NUP35: variants seen among roughly 807,000 people sequenced by gnomAD.
NUP35 encodes the protein nucleoporin 35.
Under a neutral mutation model 41.5 loss-of-function variants are expected in NUP35, and 25 were observed. The observed-to-expected ratio is 0.60, with a 90% confidence interval of 0.44 to 0.84. The LOEUF is 0.84. NUP35 is among the 40% of genes least tolerant of loss of function. NUP35 has a pLI of 0.00. For missense variants in NUP35, 396 were observed against 396.6 expected (o/e 1.00, Z 0.01); for synonymous variants, 149 against 130.7 (o/e 1.14, Z -0.96).
chr2:183,146,888 G>A (rs1271466977), intron 4 of NUP35, among the ~76,000 whole-genome samples: 1 of 152,070 alleles, frequency 6.6e-6, no homozygotes, highest in African/African-American at 2.4e-5. Context: ...GAGCCACTGC[G>A]CTTGGCCTAT....
At chr2:183,153,793 C>G (rs1685550910) in intron 5 of NUP35, among the ~76,000 whole-genome samples, 1 of 152,228 alleles carries the variant, frequency 6.6e-6, no homozygotes, top group African/African-American at 2.4e-5. Flanking sequence ...CTCACAGCCC[C>G]ACTAGGCAGT....
chr2:183,131,083 A>G, intron 3 of NUP35: 1 of 420,282 alleles, frequency 2.4e-6, no homozygotes. Flanking sequence ...GGGTTCAACC[A>G]ATCCTCCTGC....
chr2:183,140,754 T>A (rs1685062435), intron 4 of NUP35, among the ~76,000 whole-genome samples: 1 of 137,938 alleles, frequency 7.2e-6, no homozygotes, highest in South Asian at 2.2e-4. Flanking sequence ...ACTGGGGAGG[T>A]GGAAGTGGCA....
At chr2:183,145,037 CTG>C (rs1249573529) in intron 4 of NUP35, among the ~76,000 whole-genome samples, 2 of 152,076 alleles carry the variant, frequency 1.3e-5, no homozygotes, top group African/African-American at 4.8e-5. Context: ...TACTTGTAGA[CTG>C]TAGAAAATTT....
At chr2:183,124,527 C>G in intron 1 of NUP35, 30 bp downstream of exon 1, 1 of 1,613,504 alleles carries the variant, frequency 6.2e-7, no homozygotes. Flanking sequence ...TCCTTGCTGG[C>G]ACTGCCATCC....
intron 4 of NUP35, among the ~76,000 whole-genome samples, chr2:183,147,360 T>A (rs1685315658): frequency 6.6e-6 from 1 of 152,242 alleles, no homozygotes; most frequent in Non-Finnish European, 1.5e-5. Flanking sequence ...CTTCAATTCA[T>A]CTTGGTTAAT....
intron 6 of NUP35, 111 bp from the exon 7 acceptor site, chr2:183,158,172 A>G (rs889710370): frequency 3.6e-5 from 29 of 816,892 alleles, no homozygotes; most frequent in Non-Finnish European, 4.9e-5. Context: ...CAAGGCATCA[A>G]ATACGGAATG....
chr2:183,134,528 G>A (rs2105558031), intron 4 of NUP35, among the ~76,000 whole-genome samples: 1 of 151,922 alleles, frequency 6.6e-6, no homozygotes, highest in East Asian at 1.9e-4. Context: ...CATTTCTGGA[G>A]GTCGGAAGTT....
chr2:183,151,069 T>G (rs988553400), intron 4 of NUP35, among the ~76,000 whole-genome samples: 2 of 152,226 alleles, frequency 1.3e-5, no homozygotes, highest in African/African-American at 4.8e-5. Flanking sequence ...GTTTAGTGCA[T>G]ACTGGAAAAG....
intron 5 of NUP35, among the ~76,000 whole-genome samples, chr2:183,155,730 G>C (rs1685641167): frequency 1.3e-5 from 2 of 151,920 alleles, no homozygotes; most frequent in Admixed American, 6.6e-5. Context: ...AGCCAGCTTG[G>C]CTGCATGTTT....
At position 183,161,054 on chromosome 2, in the gene NUP35, GT is replaced by G. The variant is rs1244927797; in HGVS notation, c.906del (p.Ile303PhefsTer35). 3 of 1,610,396 alleles carry G rather than the reference GT, an allele frequency of 1.9e-6. No homozygotes were observed. The highest frequency in any genetic ancestry group is 1.7e-6 in the Non-Finnish European group (2 of 1,177,402). On this transcript the variant is annotated frameshift_variant and splice_region_variant, in exon 9 of 9. Transcript: ENST00000295119. LOFTEE classifies it high-confidence loss of function. ...AYKASTSDYQVISDRQTPKKD... is the reference protein window; with the variant it reads ...AYKASTSDYQXISDRQTPKKD... ...TTTTTTTGTGTGTGTTTTTTAATAGGTTATTTCTGACAGACAAACGCCAAAA... is the reference window on the plus strand; with the variant it reads ...TTTTTTTGTGTGTGTTTTTTAATAGGTATTTCTGACAGACAAACGCCAAAA...
intron 4 of NUP35, among the ~76,000 whole-genome samples, chr2:183,141,570 A>G (rs1176923405): frequency 7.2e-5 from 11 of 152,210 alleles, no homozygotes; most frequent in Admixed American, 7.2e-4. Flanking sequence ...CTATGTAAAT[A>G]CTGCTCAGTG....
At position 183,133,549 on chromosome 2, in the gene NUP35, T is replaced by G; in HGVS notation, c.340-17T>G. On this transcript the variant is annotated splice_polypyrimidine_tract_variant and intron_variant, in intron 3 of 8. Coordinates refer to ENST00000295119, the MANE Select transcript of NUP35 (RefSeq NM_138285.5). ...TGTTTTGCATTTTTACCATAACACTTTCTTCTGTTTGTGTAGCCAAACATT... is the reference window on the plus strand; with the variant it reads ...TGTTTTGCATTTTTACCATAACACTGTCTTCTGTTTGTGTAGCCAAACATT... The G allele has an allele frequency of 3.8e-6, 6 of 1,597,356 alleles. No individual in the cohort carries two copies. Among genetic ancestry groups the G allele is most frequent in the Non-Finnish European group, 5.1e-6 (6 of 1,172,492 alleles).
chr2:183,146,005 G>A (rs1218437969), intron 4 of NUP35, among the ~76,000 whole-genome samples: 1 of 152,226 alleles, frequency 6.6e-6, no homozygotes, highest in East Asian at 1.9e-4. Context: ...GGAGGCCAAG[G>A]CAGGTGGATC....
At chr2:183,137,032 G>C (rs1684897003) in intron 4 of NUP35, among the ~76,000 whole-genome samples, 1 of 152,094 alleles carries the variant, frequency 6.6e-6, no homozygotes, top group East Asian at 1.9e-4. Flanking sequence ...AGAGGTTGGA[G>C]TGAGCTGAGA....
At chr2:183,157,033 A>G (rs932372777) in intron 5 of NUP35, among the ~76,000 whole-genome samples, 3 of 152,222 alleles carry the variant, frequency 2.0e-5, no homozygotes, top group African/African-American at 7.2e-5. Flanking sequence ...TCAATGTATA[A>G]TGATTCGTTT....
At chr2:183,121,817 C>T (rs577744776), upstream of NUP35, among the ~76,000 whole-genome samples, 28 of 151,604 alleles carry the variant, frequency 1.8e-4, no homozygotes, top group Non-Finnish European at 3.2e-4. Context: ...GGTGACAGAG[C>T]GAGACTACAT....
upstream of NUP35, chr2:183,119,993 C>T (rs373077722): frequency 2.1e-4 from 30 of 139,542 alleles, no homozygotes; most frequent in African/African-American, 6.7e-4. Flanking sequence ...TTTTTTCCTT[C>T]TTTGCTGTCC....
rs541083003 is a variant in NUP35 at position 183,159,613 on chromosome 2, T to C, written c.864T>C (p.Pro288=). The C allele has an allele frequency of 1.4e-5, 22 of 1,613,378 alleles. 1 individual carries two copies. In the South Asian group the frequency reaches 2.4e-4, roughly 18 times the overall value. The change falls in exon 8 of 9, where the codon CCT becomes CCC. Residue 288 remains proline, a synonymous_variant. Transcript: ENST00000295119. ...GSTPRISTMR[P]LATAYKASTS... Reference sequence around the variant, plus strand: ...CTCCTAGGATTTCTACCATGAGACCTCTTGCTACAGCATACAAAGCCTCTA... The same window carrying C: ...CTCCTAGGATTTCTACCATGAGACCCCTTGCTACAGCATACAAAGCCTCTA...
Sources: allele counts gnomAD v4.1 joint callset (sites outside exome capture counted in the v4.1 genomes callset), GRCh38; gene constraint gnomAD v4.1.1; transcripts MANE v1.5; gene names NCBI Gene and HGNC (gene_info 2026-07-23, HGNC 2026-07-21).